LEF1: variants seen among roughly 807,000 people sequenced by gnomAD.
LEF1 encodes the protein lymphoid enhancer binding factor 1.
In LEF1, 14 loss-of-function variants were observed where a neutral mutation model predicts 51.2. The ratio of observed to expected loss-of-function variants is 0.27; its 90% CI spans 0.18 to 0.43. The LOEUF is 0.43. LEF1 is among the 20% of genes least tolerant of loss of function. The pLI is 1.00. For missense variants in LEF1, 386 were observed against 512.0 expected (o/e 0.75, Z 2.37); for synonymous variants, 185 against 183.2 (o/e 1.01, Z -0.08).
chr4:108,155,075 G>A (rs1051199551), intron 3 of LEF1, among the ~76,000 whole-genome samples: 6 of 151,996 alleles, frequency 3.9e-5, no homozygotes, highest in African/African-American at 1.5e-4. Context: ...CCTTCATACG[G>A]CTCCTGGATA....
chr4:108,071,520 C>T (rs1198054992), intron 8 of LEF1: 2 of 152,176 alleles, frequency 1.3e-5, no homozygotes, highest in Non-Finnish European at 2.9e-5. Context: ...CTGCTAATAT[C>T]CTTCAAACTT....
At chr4:108,071,803 C>G (rs1023906199) in intron 8 of LEF1, 1 of 152,186 alleles carries the variant, frequency 6.6e-6, no homozygotes, top group Admixed American at 6.5e-5. Flanking sequence ...GGTAGCTATA[C>G]AAGGATGAGA....
chr4:108,140,327 T>C (rs191970480), intron 3 of LEF1, among the ~76,000 whole-genome samples: 2 of 152,232 alleles, frequency 1.3e-5, no homozygotes, highest in African/African-American at 4.8e-5. Context: ...TTCATTGATG[T>C]TGGCTCATAT....
At position 108,095,169 on chromosome 4, in the gene LEF1, C is replaced by T. The variant is rs78269254; in HGVS notation, c.415-5912G>A. 3.0e-4 allele frequency among the ~76,000 whole-genome samples: 46 copies of T among 152,168 alleles called. 1 individual carries two copies. The East Asian group carries it at 8.9e-3, about 29-fold the overall frequency. ...CTTAAGATTCAAACGGTCCATGAGC[C>T]CAACTCTGGAGGAAAAGGGATGGTC... On this transcript the variant is annotated intron_variant, in intron 3 of 11. Transcript: ENST00000265165.
At chr4:108,095,172 A>G (rs909430796) in intron 3 of LEF1, among the ~76,000 whole-genome samples, 1 of 152,150 alleles carries the variant, frequency 6.6e-6, no homozygotes, top group African/African-American at 2.4e-5. Flanking sequence ...CATGAGCCCA[A>G]CTCTGGAGGA....
At chr4:108,149,407 C>A (rs1380097811) in intron 3 of LEF1, among the ~76,000 whole-genome samples, 1 of 139,272 alleles carries the variant, frequency 7.2e-6, no homozygotes, top group Non-Finnish European at 1.5e-5. Context: ...TGCAGTGAGC[C>A]GAGGTCGTGC....
Position 108,167,645 on chromosome 4 carries a change from G to T in LEF1, c.123C>A (p.Ile41=). The change falls in exon 1 of 12, where the codon ATC becomes ATA. Residue 41 remains isoleucine, a synonymous_variant. Transcript: ENST00000265165. This position sits in a 1 kb window ranked among gnomAD's most constrained non-coding sequence, Gnocchi z 5.7. ...DPQKEKIFAE[I]SHPEEEGDLA... ...AATCGCCTTCCTCTTCGGGATGACT[G>T]ATCTCGGCGAAGATCTTTTCCTTCT... is the stretch of plus-strand genomic sequence containing the variant. 1.9e-6 allele frequency: 3 copies of T among 1,614,232 alleles called. No individual in the cohort carries two copies. The highest frequency in any genetic ancestry group is 2.5e-6 in the Non-Finnish European group (3 of 1,180,034).
intron 9 of LEF1, among the ~76,000 whole-genome samples, chr4:108,065,970 T>C (rs1738052045): frequency 6.6e-6 from 1 of 152,168 alleles, no homozygotes; most frequent in Non-Finnish European, 1.5e-5. Context: ...TGGCGTGATC[T>C]TGGCTTACTG....
chr4:108,050,425 T>C (rs980925350), intron 11 of LEF1, among the ~76,000 whole-genome samples: 2 of 152,044 alleles, frequency 1.3e-5, no homozygotes, highest in African/African-American at 4.8e-5. Flanking sequence ...GGAAGTTGTC[T>C]GTACCTCAGT....
chr4:108,149,234 C>T (rs969497807), intron 3 of LEF1, among the ~76,000 whole-genome samples: 4 of 151,146 alleles, frequency 2.6e-5, no homozygotes, highest in Admixed American at 6.6e-5. Flanking sequence ...CAGAGGCGGG[C>T]GGATCATGAG....
In LEF1 at chr4:108,089,173, G is replaced by A; in HGVS notation, c.499C>T (p.Pro167Ser). The change falls in exon 4 of 12, where the codon CCA (proline) becomes TCA (serine). Residue 167 changes from proline (P) to serine (S), a missense_variant. Coordinates refer to ENST00000265165, the MANE Select transcript of LEF1 (RefSeq NM_016269.5). ...LITYSDEHFS[P>S]GSHPSHIPSD... The stretch of plus-strand genomic sequence containing the variant: ...GGGATGTGTGACGGGTGTGATCCTG[G>A]AGAAAAGTGCTCGTCACTGTAAGTG... 6.2e-7 allele frequency: 1 copy of A among 1,614,100 alleles called. No homozygotes were observed. Among genetic ancestry groups the A allele is most frequent in the African/African-American group, 1.3e-5 (1 of 75,010 alleles).
intron 3 of LEF1, among the ~76,000 whole-genome samples, chr4:108,141,911 T>C (rs916736925): frequency 1.3e-5 from 2 of 152,164 alleles, no homozygotes; most frequent in Non-Finnish European, 2.9e-5. Context: ...GGAAATACAT[T>C]TGCTTTTAAT....
intron 8 of LEF1, among the ~76,000 whole-genome samples, chr4:108,071,210 A>G (rs928873012): frequency 6.6e-6 from 1 of 152,260 alleles, no homozygotes. Flanking sequence ...TAAAACAGAT[A>G]TACCCTCTCC....
At chr4:108,092,939 A>AACAAAAAAAAAAAAAAAAAAAAAAAAAC (rs1553952203) in intron 3 of LEF1, among the ~76,000 whole-genome samples, 2 of 90,670 alleles carry the variant, frequency 2.2e-5, no homozygotes, top group Non-Finnish European at 2.2e-5. Flanking sequence ...AAAAAAAAAA[A>AACAAAAAAAAAAAAAAAAAAAAAAAAAC]AAAAAAAAAA....
intron 1 of LEF1, chr4:108,166,450 A>G: frequency 7.1e-7 from 1 of 1,399,998 alleles, no homozygotes; most frequent in East Asian, 2.7e-5. Context: ...TGGTTAAATC[A>G]TTCGGGTGTC....
intron 3 of LEF1, among the ~76,000 whole-genome samples, chr4:108,124,292 A>C (rs1426704360): frequency 6.6e-6 from 1 of 152,218 alleles, no homozygotes; most frequent in African/African-American, 2.4e-5. Flanking sequence ...ACATATATGA[A>C]AATACAGAAT....
intron 11 of LEF1, among the ~76,000 whole-genome samples, chr4:108,050,955 T>G (rs1736950205): frequency 6.6e-6 from 1 of 152,224 alleles, no homozygotes; most frequent in Admixed American, 6.5e-5. Flanking sequence ...TTCTTGTCCC[T>G]TCACTGCCTT....
chr4:108,064,016 A>G (rs549179532), intron 10 of LEF1, among the ~76,000 whole-genome samples: 14 of 152,208 alleles, frequency 9.2e-5, no homozygotes, highest in East Asian at 1.9e-4. Context: ...ATAACATAGT[A>G]AAAAGGCAAG....
chr4:108,080,583 A>G lies in LEF1; in HGVS notation c.723-969T>C, dbSNP rs112322138. 8.5e-5 allele frequency among the ~76,000 whole-genome samples: 13 copies of G among 152,340 alleles called. 1 individual carries two copies. The highest frequency in any genetic ancestry group is 3.1e-4 in the African/African-American group (13 of 41,574). On this transcript the variant is annotated intron_variant, in intron 6 of 11. Coordinates refer to ENST00000265165, the MANE Select transcript of LEF1 (RefSeq NM_016269.5). ...CAAATAATGATGCTTTGCTAAATGTATTACTTGCAAAAATACATGATGATA... is the reference window on the plus strand; with the variant it reads ...CAAATAATGATGCTTTGCTAAATGTGTTACTTGCAAAAATACATGATGATA...
Sources: allele counts gnomAD v4.1 joint callset (sites outside exome capture counted in the v4.1 genomes callset), GRCh38; gene constraint gnomAD v4.1.1; non-coding constraint Gnocchi (gnomAD v3.1); transcripts MANE v1.5; gene names NCBI Gene and HGNC (gene_info 2026-07-23, HGNC 2026-07-21).